Variants in SUCLG2 observed in about 807,000 individuals in gnomAD.
SUCLG2 encodes succinate--CoA ligase [GDP-forming] subunit beta, mitochondrial.
A neutral mutation model predicts 47.9 loss-of-function variants in SUCLG2; 42 were observed. That is an observed-to-expected ratio of 0.88 (90% CI 0.69 to 1.14). The LOEUF is 1.14. Ranked by LOEUF, SUCLG2 falls within the 50% of genes most tolerant of loss-of-function variation. The pLI is 0.00. For missense variants in SUCLG2, 571 were observed against 525.9 expected (o/e 1.09, Z -0.84); for synonymous variants, 195 against 197.3 (o/e 0.99, Z 0.10).
chr3:67,545,004 C>T (rs74872694), intron 2 of SUCLG2, among the ~76,000 whole-genome samples: 1 of 152,000 alleles, frequency 6.6e-6, no homozygotes, highest in Non-Finnish European at 1.5e-5. Flanking sequence ...TTTTATCATG[C>T]CAGTCTCAAA....
At chr3:67,380,136 G>A (rs965520689) in intron 10 of SUCLG2, among the ~76,000 whole-genome samples, 1 of 151,328 alleles carries the variant, frequency 6.6e-6, no homozygotes, top group Non-Finnish European at 1.5e-5. Context: ...AATAGATACC[G>A]CAAACTGCTC....
At chr3:67,600,949 T>G (rs1708405650) in intron 2 of SUCLG2, among the ~76,000 whole-genome samples, 1 of 152,202 alleles carries the variant, frequency 6.6e-6, no homozygotes, top group Non-Finnish European at 1.5e-5. Flanking sequence ...ATGGGGCAGC[T>G]CATGTGCTTC....
intron 1 of SUCLG2, among the ~76,000 whole-genome samples, chr3:67,613,085 A>G (rs1186916689): frequency 6.6e-6 from 1 of 152,204 alleles, no homozygotes; most frequent in African/African-American, 2.4e-5. Context: ...GACACTCTCC[A>G]AACCTTGTCC....
At chr3:67,592,754 A>G (rs1708199008) in intron 2 of SUCLG2, among the ~76,000 whole-genome samples, 1 of 150,638 alleles carries the variant, frequency 6.6e-6, no homozygotes, top group Non-Finnish European at 1.5e-5. Context: ...AAAAAACTGA[A>G]TATCAAAGCC....
intron 10 of SUCLG2, among the ~76,000 whole-genome samples, chr3:67,384,343 G>A (rs568307847): frequency 6.6e-6 from 1 of 152,268 alleles, no homozygotes; most frequent in Admixed American, 6.5e-5. Flanking sequence ...CTACACTAGG[G>A]ATCTGCAAGC....
chr3:67,608,039 T>C (rs1168276898), intron 2 of SUCLG2, among the ~76,000 whole-genome samples: 1 of 152,196 alleles, frequency 6.6e-6, no homozygotes, highest in African/African-American at 2.4e-5. Context: ...GGGAAATAAG[T>C]ACTATTAGCT....
intron 1 of SUCLG2, among the ~76,000 whole-genome samples, chr3:67,625,204 TG>T (rs1420365985): frequency 6.6e-6 from 1 of 152,190 alleles, no homozygotes; most frequent in African/African-American, 2.4e-5. Flanking sequence ...ATGACAGTTC[TG>T]GGAGTTGATA....
chr3:67,603,997 A>G (rs532447301), intron 2 of SUCLG2, among the ~76,000 whole-genome samples: 1 of 152,344 alleles, frequency 6.6e-6, no homozygotes, highest in East Asian at 1.9e-4. Flanking sequence ...AAGCGTGATT[A>G]TAAAAGGTGG....
intron 1 of SUCLG2, among the ~76,000 whole-genome samples, chr3:67,639,669 T>C (rs1300725188): frequency 6.6e-6 from 1 of 152,164 alleles, no homozygotes; most frequent in Non-Finnish European, 1.5e-5. Flanking sequence ...TTTCCATAGC[T>C]GTCCTGTGGA....
chr3:67,490,689 T>TA (rs1392629231), intron 9 of SUCLG2, among the ~76,000 whole-genome samples: 1 of 152,180 alleles, frequency 6.6e-6, no homozygotes, highest in Non-Finnish European at 1.5e-5. Context: ...TCAGAAAATA[T>TA]AAAAAGCCAA....
chr3:67,454,105 T>C (rs1425159403), intron 9 of SUCLG2, among the ~76,000 whole-genome samples: 1 of 152,254 alleles, frequency 6.6e-6, no homozygotes, highest in Non-Finnish European at 1.5e-5. Context: ...CCTAAGTGGA[T>C]GTAAATTTTT....
chr3:67,413,897 C>T (rs1559517282), intron 9 of SUCLG2, among the ~76,000 whole-genome samples: 1 of 152,228 alleles, frequency 6.6e-6, no homozygotes, highest in African/African-American at 2.4e-5. Context: ...TCTTATCACA[C>T]ATGTTTCTCA....
At chr3:67,584,792 AG>A (rs1372430387) in intron 2 of SUCLG2, among the ~76,000 whole-genome samples, 1 of 152,198 alleles carries the variant, frequency 6.6e-6, no homozygotes, top group African/African-American at 2.4e-5. Flanking sequence ...ACACAGTGGC[AG>A]GAAGGGGAAG....
intron 10 of SUCLG2, among the ~76,000 whole-genome samples, chr3:67,391,360 C>T (rs971899982): frequency 6.6e-6 from 1 of 151,938 alleles, no homozygotes; most frequent in Non-Finnish European, 1.5e-5. Context: ...AGCATGGACT[C>T]GGTATGCTAA....
intron 9 of SUCLG2, among the ~76,000 whole-genome samples, chr3:67,488,721 C>T (rs777716765): frequency 3.9e-5 from 6 of 152,182 alleles, no homozygotes; most frequent in Non-Finnish European, 7.3e-5. Context: ...GCATTCAATG[C>T]TTCATTTTCT....
At chr3:67,561,515 C>T (rs1339220300) in intron 2 of SUCLG2, among the ~76,000 whole-genome samples, 2 of 152,168 alleles carry the variant, frequency 1.3e-5, no homozygotes, top group Non-Finnish European at 2.9e-5. Context: ...CCCCTACTTG[C>T]TTTGCTAAAT....
intron 9 of SUCLG2, among the ~76,000 whole-genome samples, chr3:67,450,723 C>T (rs998210654): frequency 6.6e-6 from 1 of 152,192 alleles, no homozygotes; most frequent in East Asian, 1.9e-4. Context: ...ATCACCAGGT[C>T]CCAATCCACA....
At chr3:67,639,964 A>C (rs1701071502) in intron 1 of SUCLG2, among the ~76,000 whole-genome samples, 1 of 152,238 alleles carries the variant, frequency 6.6e-6, no homozygotes, top group South Asian at 2.1e-4. Flanking sequence ...TGTTTATTTT[A>C]ACTTAAAGAT....
intron 1 of SUCLG2, among the ~76,000 whole-genome samples, chr3:67,627,245 T>G (rs1430436660): frequency 6.6e-6 from 1 of 152,144 alleles, no homozygotes; most frequent in Admixed American, 6.5e-5. Flanking sequence ...CCAACCAATT[T>G]TTACTTGGCA....
Sources: allele counts gnomAD v4.1 joint callset (sites outside exome capture counted in the v4.1 genomes callset), GRCh38; gene constraint gnomAD v4.1.1; transcripts MANE v1.5; gene names NCBI Gene and HGNC (gene_info 2026-07-23, HGNC 2026-07-21).